The following CUL3 variants were observed in gnomAD, a reference collection of about 807,000 sequenced individuals.
CUL3 encodes the protein cullin-3.
A neutral mutation model predicts 89.1 loss-of-function variants in CUL3; 19 were observed. The observed-to-expected ratio is 0.21, with a 90% CI of 0.15 to 0.31. The LOEUF is 0.31. Among genes scored for constraint, CUL3 ranks in the 10% least tolerant of loss-of-function variants. CUL3 has a pLI of 1.00. For synonymous variants in CUL3, 351 were observed against 308.4 expected (o/e 1.14, Z -1.45); for missense variants, 469 against 942.3 (o/e 0.50, Z 6.58).
intron 3 of CUL3, among the ~76,000 whole-genome samples, chr2:224,528,282 G>A (rs1221914517): frequency 2.6e-5 from 4 of 152,080 alleles, no homozygotes; most frequent in Non-Finnish European, 5.9e-5. Context: ...TGTCTTCTTT[G>A]ACTAGTGCCC....
intron 3 of CUL3, among the ~76,000 whole-genome samples, chr2:224,516,740 A>G (rs1693068142): frequency 2.0e-5 from 3 of 149,506 alleles, no homozygotes; most frequent in Admixed American, 2.0e-4. Context: ...TCTACCTCCC[A>G]GGTTCAAGTG....
At chr2:224,579,117 G>A (rs1184344876) in intron 1 of CUL3, among the ~76,000 whole-genome samples, 1 of 152,090 alleles carries the variant, frequency 6.6e-6, no homozygotes, top group African/African-American at 2.4e-5. Flanking sequence ...TATCTAGAAA[G>A]ACAAGACAAA....
intron 15 of CUL3, among the ~76,000 whole-genome samples, chr2:224,477,437 A>C (rs1252706064): frequency 6.6e-6 from 1 of 152,208 alleles, no homozygotes; most frequent in Non-Finnish European, 1.5e-5. Flanking sequence ...GCTAACACTG[A>C]GCAATTTAAT....
intron 3 of CUL3, among the ~76,000 whole-genome samples, chr2:224,532,215 A>G (rs1412971680): frequency 6.6e-6 from 1 of 152,198 alleles, no homozygotes; most frequent in Admixed American, 6.5e-5. Flanking sequence ...TCATCTGCAC[A>G]GAGGCACATG....
At position 224,511,339 on chromosome 2, in the gene CUL3, A is replaced by G. The variant is rs1224130404; in HGVS notation, c.883+15T>C. 5 of 1,528,764 alleles carry G rather than the reference A, an allele frequency of 3.3e-6. No individual in the cohort carries two copies. Among genetic ancestry groups the G allele is most frequent in the Non-Finnish European group, 4.5e-6 (5 of 1,121,066 alleles). The allele number at this position is 1,528,764 out of a possible 1,614,324, so 94.7% of individuals were successfully genotyped here. On this transcript the variant is annotated intron_variant, in intron 6 of 15. Coordinates refer to ENST00000264414, the MANE Select transcript of CUL3 (RefSeq NM_003590.5). ...AGAGTAAGGATTTAATTATTTTTCA[A>G]TCGGTAACACTTACCTTCTGTCTTT...
In CUL3 at chr2:224,539,084, A is replaced by G. The variant is rs118137992; in HGVS notation, c.265-3443T>C. Among the ~76,000 whole-genome samples, 26 of 152,362 alleles carry G rather than the reference A, an allele frequency of 1.7e-4. 2 individuals are homozygous for G. In the East Asian group the frequency reaches 5.0e-3, roughly 29 times the overall value. ...AGTATTTGCAAAAGACAAAGCTAAT[A>G]AAGAACTATTATCCAAAATATATAA... On this transcript the variant is annotated intron_variant, in intron 2 of 15. Coordinates refer to ENST00000264414, the MANE Select transcript of CUL3 (RefSeq NM_003590.5).
At chr2:224,507,278 T>C (rs926249953) in intron 6 of CUL3, among the ~76,000 whole-genome samples, 2 of 152,154 alleles carry the variant, frequency 1.3e-5, no homozygotes, top group African/African-American at 4.8e-5. Flanking sequence ...ATGGAAGAGA[T>C]GTCAAAAACC....
chr2:224,531,744 GA>G (rs764070668), intron 3 of CUL3, among the ~76,000 whole-genome samples: 83 of 149,282 alleles, frequency 5.6e-4, no homozygotes, highest in Middle Eastern at 3.4e-3. Flanking sequence ...TGACATTAAA[GA>G]AAAAAAAAAT....
intron 13 of CUL3, 152 bp from the exon 14 acceptor site, chr2:224,482,230 C>A: frequency 1.9e-6 from 1 of 523,070 alleles, no homozygotes. Context: ...TATGACACAT[C>A]ATTAAAATCT....
intron 1 of CUL3, among the ~76,000 whole-genome samples, chr2:224,558,611 G>A (rs978405903): frequency 6.6e-6 from 1 of 152,158 alleles, no homozygotes; most frequent in Non-Finnish European, 1.5e-5. Flanking sequence ...CTAGGAACTT[G>A]TTAGAAGTGC....
chr2:224,511,315 G>T, intron 6 of CUL3, 39 bp downstream of exon 6: 1 of 1,396,622 alleles, frequency 7.2e-7, no homozygotes, highest in South Asian at 1.3e-5. Context: ...CGATAAGGCA[G>T]AGTAAGGATT....
At chr2:224,579,468 C>G (rs1426428121) in intron 1 of CUL3, among the ~76,000 whole-genome samples, 1 of 151,468 alleles carries the variant, frequency 6.6e-6, no homozygotes, top group Non-Finnish European at 1.5e-5. Flanking sequence ...GCAAACATTT[C>G]TGTAGCTCGA....
At chr2:224,497,209 T>C (rs1000846485) in intron 12 of CUL3, among the ~76,000 whole-genome samples, 2 of 152,174 alleles carry the variant, frequency 1.3e-5, no homozygotes, top group African/African-American at 4.8e-5. Context: ...CTGATTCATA[T>C]CAAGTAATGA....
chr2:224,483,464 T>C (rs771628150), intron 13 of CUL3, among the ~76,000 whole-genome samples: 6 of 152,162 alleles, frequency 3.9e-5, no homozygotes, highest in Admixed American at 3.9e-4. Context: ...ATACTAGACA[T>C]CTTTCTATTA....
chr2:224,552,684 C>G lies in CUL3; in HGVS notation c.264+4975G>C, dbSNP rs570677040. ...ACTATATAACAAACCAGCCCTCAAT[C>G]CATGTAAAAATTATATTTCCTTGGA... On this transcript the variant is annotated intron_variant, in intron 2 of 15. Coordinates refer to ENST00000264414, the MANE Select transcript of CUL3 (RefSeq NM_003590.5). 3.3e-5 allele frequency among the ~76,000 whole-genome samples: 5 copies of G among 152,244 alleles called. No individual in the cohort carries two copies. The South Asian group carries it at 1.0e-3, about 32-fold the overall frequency.
chr2:224,491,754 C>A (rs1264600972), intron 13 of CUL3, among the ~76,000 whole-genome samples: 1 of 152,128 alleles, frequency 6.6e-6, no homozygotes, highest in Non-Finnish European at 1.5e-5. Context: ...GGCGATGAGT[C>A]CCCCACTTTT....
At chr2:224,505,652 T>C (rs1452016564) in intron 8 of CUL3, 1 of 172,616 alleles carries the variant, frequency 5.8e-6, no homozygotes, top group Non-Finnish European at 1.2e-5. Context: ...ACAAGGCTAA[T>C]TTCAAACTCC....
At chr2:224,570,417 T>G (rs981240341) in intron 1 of CUL3, among the ~76,000 whole-genome samples, 2 of 152,172 alleles carry the variant, frequency 1.3e-5, no homozygotes, top group African/African-American at 4.8e-5. Flanking sequence ...CGTGAGACGG[T>G]GGACTGTGGG....
At chr2:224,500,968 A>G (rs1393450990) in intron 10 of CUL3, among the ~76,000 whole-genome samples, 1 of 152,156 alleles carries the variant, frequency 6.6e-6, no homozygotes, top group Non-Finnish European at 1.5e-5. Context: ...AGTGTTTCCC[A>G]AATTTTAACT....
Sources: gnomAD v4.1 joint callset for allele counts (sites outside exome capture counted in the v4.1 genomes callset) on GRCh38, gnomAD v4.1.1 for gene constraint, MANE v1.5 for transcripts, NCBI Gene and HGNC (gene_info 2026-07-23, HGNC 2026-07-21) for gene names.